KDM4C: variants seen among roughly 807,000 people sequenced by gnomAD.
KDM4C encodes the protein lysine demethylase 4C.
KDM4C carries 81 observed loss-of-function variants against 129.3 expected under a neutral mutation model. The ratio of observed to expected loss-of-function variants is 0.63; its 90% CI spans 0.52 to 0.75. The LOEUF (loss-of-function observed/expected upper bound fraction) is 0.75. Ranked by LOEUF, KDM4C falls within the 30% of genes least tolerant of loss-of-function variation. The pLI is 0.00. For synonymous variants in KDM4C, 573 were observed against 456.1 expected (o/e 1.26, Z -3.26); for missense variants, 1,457 against 1,304.0 (o/e 1.12, Z -1.81).
At chr9:7,056,812 C>G (rs1238057281) in intron 17 of KDM4C, among the ~76,000 whole-genome samples, 1 of 152,146 alleles carries the variant, frequency 6.6e-6, no homozygotes, top group African/African-American at 2.4e-5. Context: ...CTGATCTTGT[C>G]TGTGTGAGTA....
At chr9:7,056,220 G>A (rs1002178514) in intron 17 of KDM4C, among the ~76,000 whole-genome samples, 1 of 152,128 alleles carries the variant, frequency 6.6e-6, no homozygotes, top group South Asian at 2.1e-4. Context: ...CACGGTTGTG[G>A]TATGGTATGT....
intron 8 of KDM4C, among the ~76,000 whole-genome samples, chr9:6,975,260 C>G (rs775324563): frequency 6.6e-6 from 1 of 152,138 alleles, no homozygotes; most frequent in Non-Finnish European, 1.5e-5. Flanking sequence ...TGGTTAAACT[C>G]TATCAACACA....
intron 8 of KDM4C, among the ~76,000 whole-genome samples, chr9:6,938,641 A>G (rs778379012): frequency 1.3e-5 from 2 of 152,166 alleles, no homozygotes; most frequent in Admixed American, 6.5e-5. Context: ...GGAAACCACA[A>G]GATTCCAAAT....
intron 5 of KDM4C, among the ~76,000 whole-genome samples, chr9:6,878,308 T>C (rs1210376792): frequency 6.6e-6 from 1 of 152,228 alleles, no homozygotes; most frequent in African/African-American, 2.4e-5. Flanking sequence ...TAATTAGTTA[T>C]GATTTTAAAA....
At chr9:6,952,393 T>G (rs1828309943) in intron 8 of KDM4C, among the ~76,000 whole-genome samples, 1 of 139,670 alleles carries the variant, frequency 7.2e-6, no homozygotes, top group Admixed American at 7.2e-5. Context: ...TGGGAAATTG[T>G]TCACAGTGTG....
chr9:7,048,523 A>G (rs1038115495), intron 16 of KDM4C, among the ~76,000 whole-genome samples: 9 of 152,128 alleles, frequency 5.9e-5, no homozygotes, highest in African/African-American at 9.7e-5. Flanking sequence ...AAACTAGGGT[A>G]TGAGATAAAC....
At chr9:6,914,691 C>T (rs552887415) in intron 8 of KDM4C, among the ~76,000 whole-genome samples, 5 of 152,310 alleles carry the variant, frequency 3.3e-5, no homozygotes, top group South Asian at 2.1e-4. Context: ...GAGGGCTCCA[C>T]GCCCATGAAT....
At chr9:6,777,845 T>G (rs1373147270) in intron 1 of KDM4C, among the ~76,000 whole-genome samples, 1 of 150,194 alleles carries the variant, frequency 6.7e-6, no homozygotes, top group Non-Finnish European at 1.5e-5. Flanking sequence ...TTGAAATTCT[T>G]CAGTTTGATA....
intron 1 of KDM4C, among the ~76,000 whole-genome samples, chr9:6,738,529 G>T (rs959036299): frequency 2.0e-5 from 3 of 152,172 alleles, no homozygotes; most frequent in African/African-American, 7.2e-5. Context: ...GACCTCCCAA[G>T]GCTCAGGTGA....
chr9:6,852,725 A>T (rs1024593780), intron 5 of KDM4C, among the ~76,000 whole-genome samples: 1 of 150,418 alleles, frequency 6.6e-6, no homozygotes, highest in Non-Finnish European at 1.5e-5. Flanking sequence ...TTTCAAGTCT[A>T]CTCCTTCCTC....
intron 8 of KDM4C, among the ~76,000 whole-genome samples, chr9:6,912,245 C>T (rs548036567): frequency 2.2e-4 from 33 of 152,296 alleles, no homozygotes; most frequent in African/African-American, 7.7e-4. Flanking sequence ...AGTTGAGCTG[C>T]TCCTCCCCAG....
intron 5 of KDM4C, among the ~76,000 whole-genome samples, chr9:6,864,340 T>G (rs1010268369): frequency 6.6e-6 from 1 of 152,242 alleles, no homozygotes; most frequent in Non-Finnish European, 1.5e-5. Flanking sequence ...CTTCTTGGCC[T>G]ATATGATTTC....
intron 18 of KDM4C, among the ~76,000 whole-genome samples, chr9:7,119,983 T>G (rs1839317916): frequency 6.6e-6 from 1 of 152,208 alleles, no homozygotes; most frequent in South Asian, 2.1e-4. Flanking sequence ...ATTTTTATTC[T>G]TAGCACCTAG....
intron 19 of KDM4C, among the ~76,000 whole-genome samples, chr9:7,155,396 T>C (rs1284371363): frequency 1.3e-5 from 2 of 152,166 alleles, no homozygotes; most frequent in African/African-American, 4.8e-5. Context: ...CTAGGGTACA[T>C]GTGCACAATG....
intron 18 of KDM4C, among the ~76,000 whole-genome samples, chr9:7,117,835 G>A (rs1839074425): frequency 6.6e-6 from 1 of 152,180 alleles, no homozygotes; most frequent in Non-Finnish European, 1.5e-5. Flanking sequence ...GAAATTGGAT[G>A]TGACTGTAGG....
At chr9:6,971,577 A>G (rs1023273343) in intron 8 of KDM4C, among the ~76,000 whole-genome samples, 4 of 152,194 alleles carry the variant, frequency 2.6e-5, no homozygotes, top group African/African-American at 9.7e-5. Context: ...TGATGATTCT[A>G]CATTTTATTT....
chr9:7,091,163 G>A (rs1268020649), intron 17 of KDM4C, among the ~76,000 whole-genome samples: 2 of 149,992 alleles, frequency 1.3e-5, no homozygotes, highest in African/African-American at 5.1e-5. Flanking sequence ...TCTTTCTTTC[G>A]AGGCTCTCAG....
At chr9:7,023,352 A>G (rs1563999930) in intron 15 of KDM4C, among the ~76,000 whole-genome samples, 1 of 152,074 alleles carries the variant, frequency 6.6e-6, no homozygotes, top group East Asian at 1.9e-4. Flanking sequence ...GGATTTCTTT[A>G]TGATTCAATC....
At chr9:6,988,700 C>CCATCCATT (rs1041126101) in intron 11 of KDM4C, among the ~76,000 whole-genome samples, 3 of 151,972 alleles carry the variant, frequency 2.0e-5, no homozygotes, top group Non-Finnish European at 2.9e-5. Context: ...ATCCATCCAT[C>CCATCCATT]CATCCATTCA....
Sources: allele counts gnomAD v4.1 joint callset (sites outside exome capture counted in the v4.1 genomes callset), GRCh38; gene constraint gnomAD v4.1.1; transcripts MANE v1.5; gene names NCBI Gene and HGNC (gene_info 2026-07-23, HGNC 2026-07-21).